The following MAP7 variants were observed in gnomAD, a reference collection of about 807,000 sequenced individuals.
The protein encoded by MAP7 is microtubule associated protein 7.
A neutral mutation model predicts 94.8 loss-of-function variants in MAP7; 52 were observed. The ratio of observed to expected loss-of-function variants is 0.55; its 90% confidence interval spans 0.44 to 0.69. MAP7 has a LOEUF of 0.69. Ranked by LOEUF, MAP7 falls within the 30% of genes least tolerant of loss-of-function variation. The probability of loss-of-function intolerance (pLI) is 0.00; values close to 1 mark genes in which losing one functional copy is unlikely to be tolerated. For synonymous variants in MAP7, 350 were observed against 357.0 expected (o/e 0.98, Z 0.22); for missense variants, 940 against 964.6 (o/e 0.97, Z 0.34).
intron 3 of MAP7, among the ~76,000 whole-genome samples, chr6:136,390,942 G>A (rs1286673993): frequency 6.6e-6 from 1 of 152,166 alleles, no homozygotes; most frequent in Non-Finnish European, 1.5e-5. Context: ...ACTAACTGGT[G>A]CTGAGATCTC....
At chr6:136,539,889 G>A (rs1000801937) in intron 1 of MAP7, among the ~76,000 whole-genome samples, 4 of 152,210 alleles carry the variant, frequency 2.6e-5, no homozygotes, top group African/African-American at 9.6e-5. Context: ...TGAGGTAGGA[G>A]AATAGCTTGA....
chr6:136,353,456 C>T (rs1168360653), intron 16 of MAP7, among the ~76,000 whole-genome samples: 1 of 152,168 alleles, frequency 6.6e-6, no homozygotes, highest in Non-Finnish European at 1.5e-5. Flanking sequence ...ATGGTTATCC[C>T]TAATGCAAAA....
intron 1 of MAP7, among the ~76,000 whole-genome samples, chr6:136,527,351 T>C (rs1304057529): frequency 1.3e-5 from 2 of 152,224 alleles, no homozygotes; most frequent in Admixed American, 6.5e-5. Context: ...TTTTTTTTGC[T>C]TTTGTGTTTT....
At chr6:136,378,075 T>A (rs1235970750) in intron 6 of MAP7, among the ~76,000 whole-genome samples, 1 of 152,218 alleles carries the variant, frequency 6.6e-6, no homozygotes, top group East Asian at 1.9e-4. Context: ...AGATGTTAAG[T>A]TTGTAGCAAG....
intron 12 of MAP7, 78 bp from the exon 13 acceptor site, chr6:136,360,876 G>GGGCGAGGT: frequency 6.4e-7 from 1 of 1,570,032 alleles, no homozygotes; most frequent in Non-Finnish European, 8.7e-7. Flanking sequence ...CCAGAGGTGG[G>GGGCGAGGT]GGCGAGGTGG....
intron 16 of MAP7, 88 bp from the exon 17 acceptor site, chr6:136,346,167 A>G: frequency 1.4e-6 from 1 of 719,496 alleles, no homozygotes; most frequent in Non-Finnish European, 2.3e-6. Flanking sequence ...TTTTATAATG[A>G]ATAATTTTAT....
chr6:136,526,102 A>C (rs1468030983), intron 1 of MAP7: 9 of 1,370,506 alleles, frequency 6.6e-6, no homozygotes, highest in South Asian at 5.5e-5. Context: ...CCCTATGGGT[A>C]AACAGTTTGC....
chr6:136,514,580 C>CAAAA (rs1046225937), intron 1 of MAP7, among the ~76,000 whole-genome samples: 5 of 49,044 alleles, frequency 1.0e-4, no homozygotes, highest in Non-Finnish European at 1.7e-4. Flanking sequence ...GACTCTGTCT[C>CAAAA]AAAAAAAAAA....
intron 2 of MAP7, among the ~76,000 whole-genome samples, chr6:136,416,158 G>A (rs1789336221): frequency 6.6e-6 from 1 of 152,164 alleles, no homozygotes; most frequent in South Asian, 2.1e-4. Context: ...GCTGTATGTG[G>A]TAGAAAAGGA....
intron 16 of MAP7, among the ~76,000 whole-genome samples, chr6:136,349,581 T>C (rs943253277): frequency 2.0e-5 from 3 of 152,270 alleles, no homozygotes; most frequent in East Asian, 3.9e-4. Flanking sequence ...GCCATGTTGC[T>C]AGCTGGTCTT....
chr6:136,366,353 T>G lies in MAP7; in HGVS notation c.963A>C (p.Ala321=), dbSNP rs1794318716. 1 of 1,614,146 alleles carries G rather than the reference T, an allele frequency of 6.2e-7. No homozygotes were observed. Among genetic ancestry groups the G allele is most frequent in the African/African-American group, 1.3e-5 (1 of 75,046 alleles). The change falls in exon 9 of 18, where the codon GCA becomes GCC. Residue 321 remains alanine, a synonymous_variant. Transcript: ENST00000354570. ...AAAGTCGGGAGCGAGCTGGTTGTCT[T>G]GCTTTGGGATTAGATGGAGATACAG... The part of the protein sequence containing the change: ...RRAVSPSNPK[A]RQPARSRLWL...
At chr6:136,401,432 T>A (rs1049420271) in intron 3 of MAP7, among the ~76,000 whole-genome samples, 1 of 152,146 alleles carries the variant, frequency 6.6e-6, no homozygotes, top group African/African-American at 2.4e-5. Flanking sequence ...ACATATACAC[T>A]ATGGAATACT....
chr6:136,512,666 T>A (rs1348122622), intron 1 of MAP7, among the ~76,000 whole-genome samples: 1 of 152,204 alleles, frequency 6.6e-6, no homozygotes, highest in Non-Finnish European at 1.5e-5. Context: ...CAAAACAGTG[T>A]ACATAACTTC....
intron 1 of MAP7, among the ~76,000 whole-genome samples, chr6:136,470,817 C>CATAT (rs1808728462): frequency 6.6e-6 from 1 of 151,732 alleles, no homozygotes; most frequent in Non-Finnish European, 1.5e-5. Flanking sequence ...TAACTGAAAG[C>CATAT]ATATGGATAG....
At chr6:136,347,835 GCCTGT>G (rs1413798267) in intron 16 of MAP7, among the ~76,000 whole-genome samples, 1 of 152,170 alleles carries the variant, frequency 6.6e-6, no homozygotes, top group Non-Finnish European at 1.5e-5. Flanking sequence ...AAATGAAGAT[GCCTGT>G]CCTAAGTGTC....
rs188516335 is a variant in MAP7 at position 136,505,529 on chromosome 6, C to T, written c.67+44813G>A. Among the ~76,000 whole-genome samples the T allele has an allele frequency of 6.7e-4, 102 of 151,544 alleles. 1 individual carries two copies. Among genetic ancestry groups the T allele is most frequent in the African/African-American group, 2.4e-3 (101 of 41,248 alleles). ...GTTCCAATAAAAATATTTGCTATAG[C>T]TAGACAATCGCTAGGCATCTGAGAT... On this transcript the variant is annotated intron_variant, in intron 1 of 17. Coordinates refer to ENST00000354570, the MANE Select transcript of MAP7 (RefSeq NM_003980.6).
At chr6:136,496,540 G>A (rs938206265) in intron 1 of MAP7, among the ~76,000 whole-genome samples, 27 of 151,982 alleles carry the variant, frequency 1.8e-4, no homozygotes, top group Non-Finnish European at 2.2e-4. Flanking sequence ...ATACTTACCA[G>A]TACTGGTAGT....
intron 1 of MAP7, among the ~76,000 whole-genome samples, chr6:136,532,954 T>C (rs1828589036): frequency 6.6e-6 from 1 of 152,232 alleles, no homozygotes; most frequent in South Asian, 2.1e-4. Flanking sequence ...CACCTGCGGC[T>C]TCCAGACTTC....
At chr6:136,368,088 C>A (rs962564083) in intron 8 of MAP7, among the ~76,000 whole-genome samples, 3 of 151,940 alleles carry the variant, frequency 2.0e-5, no homozygotes, top group Non-Finnish European at 4.4e-5. Flanking sequence ...ACCTTTGAGC[C>A]AATTCTTTCT....
Sources: allele counts gnomAD v4.1 joint callset (sites outside exome capture counted in the v4.1 genomes callset), GRCh38; gene constraint gnomAD v4.1.1; transcripts MANE v1.5; gene names NCBI Gene and HGNC (gene_info 2026-07-23, HGNC 2026-07-21).